The following ZNF423 variants were observed in gnomAD, a reference collection of about 807,000 sequenced individuals.
ZNF423 encodes zinc finger protein 423, also known as Ebf-associated zinc finger protein.
In ZNF423, 12 loss-of-function variants were observed where a neutral mutation model predicts 95.8. The observed-to-expected ratio is 0.13, with a 90% confidence interval of 0.08 to 0.20. The LOEUF is 0.20. Ranked by LOEUF, ZNF423 falls within the 10% of genes least tolerant of loss-of-function variation. ZNF423 has a pLI of 1.00. For missense variants in ZNF423, 1,316 were observed against 1,737.1 expected (o/e 0.76, Z 4.31); for synonymous variants, 749 against 711.9 (o/e 1.05, Z -0.83).
intron 3 of ZNF423, among the ~76,000 whole-genome samples, chr16:49,662,326 C>T (rs1277487696): frequency 6.6e-6 from 1 of 152,172 alleles, no homozygotes; most frequent in African/African-American, 2.4e-5. Context: ...AAATGATCTC[C>T]TGATGAGCCC....
At chr16:49,602,502 A>G (rs1328304072) in intron 5 of ZNF423, among the ~76,000 whole-genome samples, 1 of 151,964 alleles carries the variant, frequency 6.6e-6, no homozygotes, top group East Asian at 1.9e-4. Context: ...ACACTCAGCG[A>G]GTTTCGGGTG....
At chr16:49,578,147 C>T (rs1395832911) in intron 5 of ZNF423, among the ~76,000 whole-genome samples, 1 of 152,192 alleles carries the variant, frequency 6.6e-6, no homozygotes, top group African/African-American at 2.4e-5. Context: ...GGCACCAGTC[C>T]CAGTAAACAT....
intron 1 of ZNF423, among the ~76,000 whole-genome samples, chr16:49,837,026 G>A (rs767084900): frequency 6.6e-6 from 1 of 152,288 alleles, no homozygotes; most frequent in South Asian, 2.1e-4. Flanking sequence ...GACTGTGGAC[G>A]CCGGGACACA....
chr16:49,512,357 A>G (rs577978064), intron 7 of ZNF423, among the ~76,000 whole-genome samples: 7 of 152,322 alleles, frequency 4.6e-5, no homozygotes, highest in Admixed American at 1.3e-4. Context: ...CCCAGACCCA[A>G]TGCTGGGAGC....
At chr16:49,842,188 A>AGATC (rs1204093425) in intron 1 of ZNF423, among the ~76,000 whole-genome samples, 1 of 144,108 alleles carries the variant, frequency 6.9e-6, no homozygotes, top group African/African-American at 2.6e-5. Context: ...CAGTGAACCG[A>AGATC]GATCGTGGCA....
intron 1 of ZNF423, among the ~76,000 whole-genome samples, chr16:49,801,018 A>G (rs1011295288): frequency 6.6e-6 from 1 of 152,264 alleles, no homozygotes; most frequent in Non-Finnish European, 1.5e-5. Flanking sequence ...GAAAGCCAGA[A>G]TCAGGAACTG....
At chr16:49,609,550 G>C (rs1236583364) in intron 5 of ZNF423, among the ~76,000 whole-genome samples, 1 of 152,036 alleles carries the variant, frequency 6.6e-6, no homozygotes. Context: ...ATACAAGGAG[G>C]CACTAAATGG....
intron 1 of ZNF423, among the ~76,000 whole-genome samples, chr16:49,844,185 G>C (rs527336298): frequency 1.6e-4 from 25 of 151,892 alleles, no homozygotes; most frequent in Non-Finnish European, 1.3e-4. Context: ...AGGAGGCTAA[G>C]GAAGGAGGAT....
At chr16:49,505,917 A>G (rs1381055016) in intron 7 of ZNF423, among the ~76,000 whole-genome samples, 1 of 152,196 alleles carries the variant, frequency 6.6e-6, no homozygotes, top group Non-Finnish European at 1.5e-5. Context: ...CTGCCCCACA[A>G]TGATCAAGTG....
At position 49,515,854 on chromosome 16, in the gene ZNF423, C is replaced by A. The variant is rs370818113; in HGVS notation, c.3849+7770G>T. 3.3e-5 allele frequency among the ~76,000 whole-genome samples: 5 copies of A among 152,234 alleles called. No individual in the cohort carries two copies. The East Asian group carries it at 5.8e-4, about 18-fold the overall frequency. On this transcript the variant is annotated intron_variant, in intron 7 of 7. Coordinates refer to ENST00000563137, the MANE Select transcript of ZNF423 (RefSeq NM_001379286.1). ...CCAGTGTCTGTGGGCACAGAGGTGC[C>A]CATGGGGATGCAGAGACAGCTGGGC... is the stretch of plus-strand genomic sequence containing the variant.
In ZNF423 at chr16:49,637,909, A is replaced by G; in HGVS notation, c.1267T>C (p.Ser423Pro). The G allele has an allele frequency of 6.2e-7, 1 of 1,614,066 alleles. No homozygotes were observed. Among genetic ancestry groups the G allele is most frequent in the South Asian group, 1.1e-5 (1 of 91,066 alleles). Reference sequence around the variant, plus strand: ...GCCAGGCTGTTAAAGTCCCGCTTGGAACAATAGGGGCAGCTATAGACCACC... The same window carrying G: ...GCCAGGCTGTTAAAGTCCCGCTTGGGACAATAGGGGCAGCTATAGACCACC... ...TKVVYSCPYC[S>P]KRDFNSLAVL... is the part of the protein sequence containing the mutation. The change falls in exon 4 of 8, where the codon TCC (serine) becomes CCC (proline). Residue 423 changes from serine (S) to proline (P), a missense_variant. This residue lies in a region of ZNF423 where 399 missense variants were observed against 478.5 expected (regional missense o/e 0.83). Transcript: ENST00000563137. This position sits in a 1 kb window ranked among gnomAD's most constrained non-coding sequence, Gnocchi z 5.6.
chr16:49,640,353 C>T (rs1972930791), intron 3 of ZNF423, among the ~76,000 whole-genome samples: 2 of 152,172 alleles, frequency 1.3e-5, no homozygotes, highest in African/African-American at 2.4e-5. Context: ...CTCCCACACA[C>T]TCACACTATC....
chr16:49,730,628 G>A (rs2033140423), intron 3 of ZNF423, 143 bp downstream of exon 3: 1 of 849,282 alleles, frequency 1.2e-6, no homozygotes, highest in East Asian at 2.7e-5. Context: ...GCGGATACAG[G>A]GTACCCAAGA....
At chr16:49,525,533 C>T (rs1374976824) in intron 5 of ZNF423, 39 bp from the exon 6 acceptor site, 4 of 1,611,864 alleles carry the variant, frequency 2.5e-6, no homozygotes, top group Non-Finnish European at 3.4e-6. Flanking sequence ...GACCAGCATG[C>T]CATGTCCCCC....
rs1029559549 is a variant in ZNF423, at chr16:49,815,090, G to A, written c.41-25544C>T. Reference sequence around the variant, plus strand: ...ACCAGGCTCACAGCGGGGCTCGGCCGCTCATCAGCTGTGTGAACTTCGGCA... The same window carrying A: ...ACCAGGCTCACAGCGGGGCTCGGCCACTCATCAGCTGTGTGAACTTCGGCA... On this transcript the variant is annotated intron_variant, in intron 1 of 7. Coordinates refer to ENST00000563137, the MANE Select transcript of ZNF423 (RefSeq NM_001379286.1). Among the ~76,000 whole-genome samples, 5 of 152,108 alleles carry A rather than the reference G, an allele frequency of 3.3e-5. No homozygotes were observed. The East Asian group carries it at 5.8e-4, about 18-fold the overall frequency.
intron 3 of ZNF423, among the ~76,000 whole-genome samples, chr16:49,645,054 T>C (rs1470402708): frequency 4.6e-5 from 7 of 152,222 alleles, no homozygotes. Flanking sequence ...ACCATCTTCA[T>C]GATAGACACA....
intron 5 of ZNF423, among the ~76,000 whole-genome samples, chr16:49,549,404 G>A (rs906476260): frequency 6.6e-6 from 1 of 152,240 alleles, no homozygotes; most frequent in Non-Finnish European, 1.5e-5. Context: ...CACCAGGCAA[G>A]TGCATGATTC....
intron 1 of ZNF423, among the ~76,000 whole-genome samples, chr16:49,806,122 A>AC (rs2034659388): frequency 1.3e-5 from 2 of 152,264 alleles, no homozygotes. Flanking sequence ...ACGTGGATTT[A>AC]CAATGGGGTC....
intron 5 of ZNF423, among the ~76,000 whole-genome samples, chr16:49,572,322 A>C (rs1185538644): frequency 6.6e-6 from 1 of 152,208 alleles, no homozygotes; most frequent in Non-Finnish European, 1.5e-5. Flanking sequence ...GAGGCATTGG[A>C]GCAGGACCAC....
Sources: allele counts gnomAD v4.1 joint callset (sites outside exome capture counted in the v4.1 genomes callset), GRCh38; gene constraint gnomAD v4.1.1; regional missense constraint gnomAD v4.1.1; non-coding constraint Gnocchi (gnomAD v3.1); transcripts MANE v1.5; gene names NCBI Gene and HGNC (gene_info 2026-07-23, HGNC 2026-07-21).